Variants in ZNF267 observed in about 807,000 individuals in gnomAD.
The protein encoded by ZNF267 is zinc finger (C2H2).
ZNF267 carries 61 observed loss-of-function variants against 71.6 expected under a neutral mutation model. That is an observed-to-expected ratio of 0.85 (90% CI 0.69 to 1.05). ZNF267 has a LOEUF of 1.05. ZNF267 is among the 50% of genes least tolerant of loss of function. The pLI, the probability that ZNF267 is intolerant of heterozygous loss-of-function variation, is 0.00. For synonymous variants in ZNF267, 288 were observed against 293.2 expected (o/e 0.98, Z 0.18); for missense variants, 852 against 870.0 (o/e 0.98, Z 0.26).
chr16:31,888,875 A>ATTGCTTTTTT (rs1049037456), intron 3 of ZNF267, among the ~76,000 whole-genome samples: 7 of 152,004 alleles, frequency 4.6e-5, no homozygotes, highest in Admixed American at 1.3e-4. Context: ...AGAGTTTGAA[A>ATTGCTTTTTT]AGTGTTGACA....
intron 3 of ZNF267, among the ~76,000 whole-genome samples, chr16:31,887,708 T>C (rs1359185291): frequency 2.0e-5 from 3 of 152,166 alleles, no homozygotes; most frequent in African/African-American, 7.2e-5. Flanking sequence ...TGGGTTTCTT[T>C]CTGGTTTTTG....
chr16:31,882,848 A>G (rs1003828833), intron 1 of ZNF267, among the ~76,000 whole-genome samples: 11 of 152,194 alleles, frequency 7.2e-5, no homozygotes, highest in African/African-American at 2.4e-4. Flanking sequence ...TTCCTTCGCT[A>G]TAAAGTTAAT....
chr16:31,899,642 A>G (rs1392440781), intron 3 of ZNF267, among the ~76,000 whole-genome samples: 1 of 151,830 alleles, frequency 6.6e-6, no homozygotes, highest in Non-Finnish European at 1.5e-5. Context: ...CAAGAGGAAA[A>G]AATCTTAAAA....
chr16:31,887,452 C>A (rs1008067254), intron 3 of ZNF267, among the ~76,000 whole-genome samples: 2 of 151,858 alleles, frequency 1.3e-5, no homozygotes, highest in African/African-American at 4.8e-5. Flanking sequence ...GATGTGATAG[C>A]CAGAAAAATT....
chr16:31,909,443 A>G (rs980832302), intron 3 of ZNF267, among the ~76,000 whole-genome samples: 6 of 151,686 alleles, frequency 4.0e-5, no homozygotes, highest in African/African-American at 1.5e-4. Context: ...ATCCTCTTCA[A>G]TGTCTTTCAT....
chr16:31,896,315 C>T (rs557126195), intron 3 of ZNF267, among the ~76,000 whole-genome samples: 5 of 152,166 alleles, frequency 3.3e-5, no homozygotes, highest in African/African-American at 1.2e-4. Flanking sequence ...TGCAACTGGC[C>T]ATGCTTTTGA....
At chr16:31,894,556 A>G in intron 3 of ZNF267, 1 of 508,168 alleles carries the variant, frequency 2.0e-6, no homozygotes, top group Non-Finnish European at 4.0e-6. Context: ...TGCTGCTCAT[A>G]ATCGCGCTCT....
At position 31,915,692 on chromosome 16, in the gene ZNF267, G is replaced by A; in HGVS notation, c.1443G>A (p.Met481Ile). 6.2e-7 allele frequency: 1 copy of A among 1,613,658 alleles called. No individual in the cohort carries two copies. The highest frequency in any genetic ancestry group is 8.5e-7 in the Non-Finnish European group (1 of 1,179,908). The change falls in exon 4 of 4, where the codon ATG (methionine) becomes ATA (isoleucine). Residue 481 changes from methionine to isoleucine, a missense_variant. Coordinates refer to ENST00000300870, the MANE Select transcript of ZNF267 (RefSeq NM_003414.6). ...KSYARSSNLI[M>I]HQRVHTGEKP... ...ATGCTCGTTCTTCAAATCTTATTAT[G>A]CATCAGAGAGTTCATACTGGAGAGA...
At chr16:31,875,850 CA>C (rs2083848608) in intron 1 of ZNF267, among the ~76,000 whole-genome samples, 1 of 152,118 alleles carries the variant, frequency 6.6e-6, no homozygotes, top group Non-Finnish European at 1.5e-5. Flanking sequence ...AAAACATTTC[CA>C]AGGCCATGAA....
intron 1 of ZNF267, among the ~76,000 whole-genome samples, chr16:31,878,799 C>G (rs1362283858): frequency 6.6e-6 from 1 of 152,172 alleles, no homozygotes; most frequent in Non-Finnish European, 1.5e-5. Context: ...CAAGGTCACC[C>G]CACAGGTGCC....
chr16:31,887,754 G>A (rs1289305775), intron 3 of ZNF267, among the ~76,000 whole-genome samples: 3 of 151,970 alleles, frequency 2.0e-5, no homozygotes, highest in Non-Finnish European at 4.4e-5. Context: ...CTGTTTTTAC[G>A]TCAGTACCAT....
chr16:31,884,984 A>G (rs1302046300), intron 2 of ZNF267, among the ~76,000 whole-genome samples, 177 bp from the exon 3 acceptor site: 1 of 152,240 alleles, frequency 6.6e-6, no homozygotes, highest in Admixed American at 6.5e-5. Flanking sequence ...AGAAGCTGGT[A>G]GGAAACAATA....
chr16:31,891,361 T>A (rs1206752874), intron 3 of ZNF267, among the ~76,000 whole-genome samples: 1 of 152,268 alleles, frequency 6.6e-6, no homozygotes, highest in Non-Finnish European at 1.5e-5. Context: ...TAAAAGTGAT[T>A]TGTACACTAA....
In ZNF267 at chr16:31,915,021, C is replaced by T. The variant is rs1404510595; in HGVS notation, c.772C>T (p.His258Tyr). Reference protein sequence around the residue: ...EFEEVFLQSMHGQEKQEQSYK... With the variant: ...EFEEVFLQSMYGQEKQEQSYK... ...TGAGGAAGTCTTTCTTCAGAGTATG[C>T]ATGGGCAAGAGAAACAAGAACAGTC... The change falls in exon 4 of 4, where the codon CAT becomes TAT. Residue 258 changes from histidine (H) to tyrosine (Y), a missense_variant. By Grantham distance (83) the His-to-Tyr change is moderately conservative. Coordinates refer to ENST00000300870, the MANE Select transcript of ZNF267 (RefSeq NM_003414.6). 6.2e-7 allele frequency: 1 copy of T among 1,610,786 alleles called. No homozygotes were observed. The highest frequency in any genetic ancestry group is 1.1e-5 in the South Asian group (1 of 89,870).
intron 3 of ZNF267, among the ~76,000 whole-genome samples, chr16:31,906,617 C>T (rs1323984722): frequency 2.0e-5 from 3 of 152,140 alleles, no homozygotes; most frequent in Non-Finnish European, 4.4e-5. Context: ...GTTTGTTAAG[C>T]CTATTGGAAA....
At chr16:31,886,453 CT>C (rs1366457126) in intron 3 of ZNF267, among the ~76,000 whole-genome samples, 1 of 152,104 alleles carries the variant, frequency 6.6e-6, no homozygotes, top group African/African-American at 2.4e-5. Flanking sequence ...AGTGTGAACC[CT>C]TTTGTGAACT....
chr16:31,895,692 C>T (rs138821218), intron 3 of ZNF267, among the ~76,000 whole-genome samples: 1 of 152,300 alleles, frequency 6.6e-6, no homozygotes, highest in African/African-American at 2.4e-5. Flanking sequence ...GGGGGTCCCA[C>T]TGGGTTTGGA....
chr16:31,885,408 C>T (rs2083917546), intron 3 of ZNF267, 152 bp downstream of exon 3: 1 of 601,684 alleles, frequency 1.7e-6, no homozygotes, highest in East Asian at 3.0e-5. Context: ...CAAAGAGGGA[C>T]ATCTTCTGTC....
intron 3 of ZNF267, among the ~76,000 whole-genome samples, chr16:31,911,462 T>C (rs1319624588): frequency 6.6e-6 from 1 of 151,756 alleles, no homozygotes; most frequent in Non-Finnish European, 1.5e-5. Flanking sequence ...ATATTTTATC[T>C]GATGTAAGTA....
Sources: allele counts gnomAD v4.1 joint callset (sites outside exome capture counted in the v4.1 genomes callset), GRCh38; gene constraint gnomAD v4.1.1; transcripts MANE v1.5; gene names NCBI Gene and HGNC (gene_info 2026-07-23, HGNC 2026-07-21).